Variants in PCDHA10 observed in about 807,000 individuals in gnomAD.
PCDHA10 encodes the protein protocadherin alpha-10.
In PCDHA10, 45 loss-of-function variants were observed where a neutral mutation model predicts 61.2. That is an observed-to-expected ratio of 0.74 (90% CI 0.58 to 0.94). PCDHA10 has a LOEUF of 0.94. Ranked by LOEUF, PCDHA10 falls within the 40% of genes least tolerant of loss-of-function variation. The pLI, the probability that PCDHA10 is intolerant of heterozygous loss-of-function variation, is 0.00. For missense variants in PCDHA10, 1,278 were observed against 1,236.2 expected, an observed-to-expected ratio of 1.03 and a Z score of -0.51; for synonymous variants, 602 against 548.8, an observed-to-expected ratio of 1.10 and a Z score of -1.35.
intron 3 of PCDHA10, among the ~76,000 whole-genome samples, chr5:141,004,659 G>C (rs1012907350): frequency 1.3e-5 from 2 of 152,182 alleles, no homozygotes; most frequent in Admixed American, 1.3e-4. Context: ...GGCTCTGAGG[G>C]CAACTAAAGG....
chr5:140,956,009 C>G (rs1479377959), intron 1 of PCDHA10, among the ~76,000 whole-genome samples: 1 of 152,192 alleles, frequency 6.6e-6, no homozygotes, highest in Non-Finnish European at 1.5e-5. Context: ...TATCCTGAGA[C>G]TTTGCTGAAG....
chr5:140,971,332 A>G (rs1229650076), intron 1 of PCDHA10, among the ~76,000 whole-genome samples: 3 of 152,242 alleles, frequency 2.0e-5, no homozygotes, highest in Non-Finnish European at 4.4e-5. Context: ...AAATTATTTC[A>G]GAAAGTGCTT....
At chr5:140,890,313 G>T (rs1191082730) in intron 1 of PCDHA10, among the ~76,000 whole-genome samples, 2 of 152,112 alleles carry the variant, frequency 1.3e-5, no homozygotes, top group South Asian at 2.1e-4. Context: ...ATATTAAGTT[G>T]TTTTAAGATA....
At chr5:141,007,199 G>A (rs561958637) in intron 3 of PCDHA10, among the ~76,000 whole-genome samples, 3 of 152,036 alleles carry the variant, frequency 2.0e-5, no homozygotes, top group African/African-American at 7.2e-5. Flanking sequence ...TGATGGTGGG[G>A]GCCAGAATAT....
At chr5:140,948,735 A>C (rs756182090) in intron 1 of PCDHA10, among the ~76,000 whole-genome samples, 3 of 151,562 alleles carry the variant, frequency 2.0e-5, no homozygotes, top group Non-Finnish European at 4.4e-5. Flanking sequence ...AGTCTAGCTG[A>C]GAATTTATCA....
chr5:140,888,210 T>G (rs1395913579), intron 1 of PCDHA10, among the ~76,000 whole-genome samples: 1 of 152,080 alleles, frequency 6.6e-6, no homozygotes, highest in East Asian at 1.9e-4. Context: ...ATGCTGGATT[T>G]TGTGTGTGTG....
chr5:140,875,351 G>C, intron 1 of PCDHA10: 1 of 1,445,562 alleles, frequency 6.9e-7, no homozygotes, highest in Non-Finnish European at 9.1e-7. Context: ...CATAATGACT[G>C]TGATGCTGGA....
chr5:140,935,080 C>G (rs1163743447), intron 1 of PCDHA10, among the ~76,000 whole-genome samples: 2 of 152,076 alleles, frequency 1.3e-5, no homozygotes, highest in Non-Finnish European at 2.9e-5. Context: ...TGTACATTTC[C>G]TTTCCCAGAA....
intron 1 of PCDHA10, chr5:140,877,832 C>T (rs782156769): frequency 1.9e-6 from 3 of 1,591,692 alleles, no homozygotes; most frequent in African/African-American, 2.7e-5. Flanking sequence ...TTAAATCCTC[C>T]CAGTGAAGTA....
intron 1 of PCDHA10, chr5:140,877,906 A>G: frequency 2.1e-6 from 3 of 1,435,008 alleles, no homozygotes; most frequent in Non-Finnish European, 1.8e-6. Flanking sequence ...TTATAACTAC[A>G]TTCTCTCATT....
chr5:141,006,429 G>C (rs541690957), intron 3 of PCDHA10, among the ~76,000 whole-genome samples: 7 of 152,004 alleles, frequency 4.6e-5, no homozygotes, highest in Non-Finnish European at 1.0e-4. Flanking sequence ...TAGCCAGGAT[G>C]GTCTCAATCT....
At chr5:140,953,062 C>A (rs2094842577) in intron 1 of PCDHA10, among the ~76,000 whole-genome samples, 1 of 152,160 alleles carries the variant, frequency 6.6e-6, no homozygotes, top group East Asian at 1.9e-4. Context: ...CTCTCACAGG[C>A]CCCATCTCCA....
chr5:140,857,663 G>A lies in PCDHA10; in HGVS notation c.1615G>A (p.Gly539Arg), dbSNP rs377441915. ...LLQFQVSARD[G>R]GVPPLGSNLT... ...ACAGTTCCAGGTGAGCGCGCGCGAT[G>A]GGGGCGTGCCGCCTCTGGGCAGCAA... The change falls in exon 1 of 4, where the codon GGG becomes AGG. Residue 539 changes from glycine to arginine, a missense_variant. Transcript: ENST00000307360. The A allele has an allele frequency of 1.9e-5, 30 of 1,596,736 alleles. 2 individuals are homozygous for A. Among genetic ancestry groups the A allele is most frequent in the Non-Finnish European group, 2.3e-5 (27 of 1,167,780 alleles).
intron 1 of PCDHA10, among the ~76,000 whole-genome samples, chr5:140,947,996 T>G (rs185303145): frequency 1.1e-4 from 14 of 126,854 alleles, no homozygotes; most frequent in Non-Finnish European, 2.3e-4. Flanking sequence ...CCAAATACTT[T>G]ATTAAATTTA....
intron 1 of PCDHA10, chr5:140,967,116 G>A: frequency 1.2e-6 from 2 of 1,612,922 alleles, no homozygotes; most frequent in Non-Finnish European, 1.7e-6. Context: ...CGGCCTCGCT[G>A]CCTGCTCAGC....
chr5:140,905,593 G>C (rs781937038), intron 1 of PCDHA10, among the ~76,000 whole-genome samples: 1 of 152,072 alleles, frequency 6.6e-6, no homozygotes, highest in Non-Finnish European at 1.5e-5. Context: ...TATTTTGCTG[G>C]GAATTGCATT....
intron 1 of PCDHA10, chr5:140,871,528 T>G: frequency 2.0e-6 from 3 of 1,530,602 alleles, no homozygotes; most frequent in Non-Finnish European, 2.6e-6. Context: ...TATCAGGAAG[T>G]GTATGTGAAA....
At chr5:140,979,150 C>T (rs1470916466) in intron 2 of PCDHA10, 143 bp downstream of exon 2, 4 of 1,435,458 alleles carry the variant, frequency 2.8e-6, no homozygotes, top group Middle Eastern at 3.7e-4. Context: ...ATTTTGTCCC[C>T]ATGTTTATTC....
intron 1 of PCDHA10, among the ~76,000 whole-genome samples, chr5:140,958,627 T>C (rs1183042351): frequency 6.6e-6 from 1 of 152,128 alleles, no homozygotes; most frequent in African/African-American, 2.4e-5. Flanking sequence ...AGCTTGAGAG[T>C]ACTGCAGAAA....
Sources: gnomAD v4.1 joint callset for allele counts (sites outside exome capture counted in the v4.1 genomes callset) on GRCh38, gnomAD v4.1.1 for gene constraint, MANE v1.5 for transcripts, NCBI Gene and HGNC (gene_info 2026-07-23, HGNC 2026-07-21) for gene names.